Variants in CTNNA2 observed in about 807,000 individuals in gnomAD.
CTNNA2 encodes catenin alpha-2.
CTNNA2 carries 42 observed loss-of-function variants against 101.0 expected under a neutral mutation model. The observed-to-expected ratio is 0.42, with a 90% CI of 0.32 to 0.54. The LOEUF is 0.54. CTNNA2 is among the 20% of genes least tolerant of loss of function. The pLI is 0.14. For synonymous variants in CTNNA2, 450 were observed against 456.4 expected (o/e 0.99, Z 0.18); for missense variants, 871 against 1,223.1 (o/e 0.71, Z 4.29).
chr2:79,446,225 T>C (rs1034204241), intron 4 of CTNNA2, among the ~76,000 whole-genome samples: 1 of 151,662 alleles, frequency 6.6e-6, no homozygotes, highest in African/African-American at 2.4e-5. Flanking sequence ...CCCCACAATA[T>C]TCTAAGAAAA....
At chr2:79,602,877 T>C (rs1677637771) in intron 1 of CTNNA2, among the ~76,000 whole-genome samples, 1 of 152,158 alleles carries the variant, frequency 6.6e-6, no homozygotes. Context: ...AAGATGTCAC[T>C]TCCCCAAAGA....
At chr2:79,629,017 T>C (rs1679505725) in intron 1 of CTNNA2, among the ~76,000 whole-genome samples, 1 of 152,210 alleles carries the variant, frequency 6.6e-6, no homozygotes, top group Non-Finnish European at 1.5e-5. Flanking sequence ...TGTTTCCTGT[T>C]GTACCAAGAA....
In CTNNA2 at chr2:79,280,325, G is replaced by C. The variant is rs561836125; in HGVS notation, c.-405-32384G>C. Among the ~76,000 whole-genome samples, 55 of 152,192 alleles carry C rather than the reference G, an allele frequency of 3.6e-4. No individual in the cohort carries two copies. The South Asian group carries it at 0.01, about 28-fold the overall frequency. On this transcript the variant is annotated intron_variant, in intron 2 of 21. Transcript: ENST00000466387. ...AGTGTGGAAGCCTAAAAACATGTGA[G>C]GGGGATGGAGTTTGGGAAGCTTCTA...
At chr2:79,332,301 GAA>G (rs3038816) in intron 3 of CTNNA2, among the ~76,000 whole-genome samples, 51,265 of 144,934 alleles carry the variant, frequency 0.35, 9,274 homozygotes, top group African/African-American at 0.47. Flanking sequence ...AAAAGAAGAA[GAA>G]AAAAAAAAAA....
intron 2 of CTNNA2, among the ~76,000 whole-genome samples, chr2:79,287,784 A>G (rs990164178): frequency 3.0e-4 from 46 of 152,336 alleles, no homozygotes; most frequent in African/African-American, 1.1e-3. Flanking sequence ...ACCCAGTTCC[A>G]GCTTCCCGGC....
chr2:79,818,824 TA>T lies in CTNNA2; in HGVS notation c.299-39188del, dbSNP rs1558549136. Among the ~76,000 whole-genome samples, 150 of 117,624 alleles carry T rather than the reference TA, an allele frequency of 1.3e-3. 17 individuals carry two copies. In the South Asian group the frequency reaches 0.023, roughly 18 times the overall value. The allele number at this position is 117,624 out of a possible 152,430, so 77.2% of individuals were successfully genotyped here. A position where few individuals can be genotyped will look rare whatever the true frequency, so the allele number is the denominator to read the frequency against. On this transcript the variant is annotated intron_variant, in intron 3 of 18. Transcript: ENST00000402739. ...TACTTCAGGATCCAAAATGCAATTA[TA>T]TATATATATATATATATATATATGG...
At chr2:80,435,450 A>G (rs966414909) in intron 9 of CTNNA2, among the ~76,000 whole-genome samples, 3 of 152,120 alleles carry the variant, frequency 2.0e-5, no homozygotes, top group African/African-American at 7.2e-5. Context: ...TTATAATCTC[A>G]CTATTTAAAA....
At chr2:79,599,767 C>A (rs1302855318) in intron 1 of CTNNA2, among the ~76,000 whole-genome samples, 1 of 152,100 alleles carries the variant, frequency 6.6e-6, no homozygotes, top group Non-Finnish European at 1.5e-5. Flanking sequence ...TAAAAAATTT[C>A]TTTAAAGTCA....
chr2:80,112,674 A>G (rs1701293359), intron 7 of CTNNA2, among the ~76,000 whole-genome samples: 1 of 152,134 alleles, frequency 6.6e-6, no homozygotes, highest in African/African-American at 2.4e-5. Context: ...AAGTTGTTAT[A>G]TTTGTTTAAG....
chr2:79,646,273 C>T (rs2104447343), intron 1 of CTNNA2, among the ~76,000 whole-genome samples: 2 of 151,686 alleles, frequency 1.3e-5, no homozygotes, highest in South Asian at 4.1e-4. Context: ...TCAGTTTCTC[C>T]TTATCAGGAC....
intron 3 of CTNNA2, among the ~76,000 whole-genome samples, chr2:79,752,467 G>A (rs1199884628): frequency 6.6e-6 from 1 of 152,158 alleles, no homozygotes; most frequent in African/African-American, 2.4e-5. Flanking sequence ...TTTTCAGGAA[G>A]CCACAAGGGC....
chr2:80,590,364 A>G (rs1696364765), intron 15 of CTNNA2, among the ~76,000 whole-genome samples: 1 of 152,218 alleles, frequency 6.6e-6, no homozygotes, highest in Admixed American at 6.5e-5. Flanking sequence ...AGAGAGTTTT[A>G]AAATCCAAAG....
intron 7 of CTNNA2, among the ~76,000 whole-genome samples, chr2:80,188,680 A>C (rs1472255581): frequency 6.6e-6 from 1 of 152,068 alleles, no homozygotes; most frequent in Admixed American, 6.6e-5. Context: ...TCCTTCTCAT[A>C]CTGTTGTCTA....
At chr2:79,816,441 T>C (rs1467258396) in intron 3 of CTNNA2, among the ~76,000 whole-genome samples, 2 of 152,108 alleles carry the variant, frequency 1.3e-5, no homozygotes, top group African/African-American at 4.8e-5. Flanking sequence ...GATTCAAAAA[T>C]TTTTCATGTC....
intron 9 of CTNNA2, among the ~76,000 whole-genome samples, chr2:80,462,627 C>CTTTTTTTTTTTTTTTTT (rs1161384853): frequency 1.2e-4 from 14 of 114,372 alleles, no homozygotes; most frequent in African/African-American, 5.2e-4. Flanking sequence ...TTCTTTCTTT[C>CTTTTTTTTTTTTTTTTT]TTTCTTTTTT....
At position 79,429,316 on chromosome 2, in the gene CTNNA2, C is replaced by T. The variant is rs1033258619; in HGVS notation, c.-135+55303C>T. ...AGGTCTATGACTATTGCAAACAATT[C>T]CTTAAAACCTCAGTTTCCTCATCTG... is the stretch of plus-strand genomic sequence containing the variant. On this transcript the variant is annotated intron_variant, in intron 4 of 21. Coordinates refer to the CTNNA2 transcript ENST00000466387. Among the ~76,000 whole-genome samples, 32 of 151,954 alleles carry T rather than the reference C, an allele frequency of 2.1e-4. 1 individual carries two copies. In the South Asian group the frequency reaches 4.8e-3, roughly 23 times the overall value.
At chr2:79,821,002 A>T (rs1021085278) in intron 3 of CTNNA2, among the ~76,000 whole-genome samples, 1 of 152,146 alleles carries the variant, frequency 6.6e-6, no homozygotes, top group Non-Finnish European at 1.5e-5. Context: ...TCAAGTTTTC[A>T]TACTACTAAT....
chr2:79,218,894 T>C (rs192502761), intron 2 of CTNNA2, among the ~76,000 whole-genome samples: 2 of 152,290 alleles, frequency 1.3e-5, no homozygotes, highest in East Asian at 3.9e-4. Flanking sequence ...TTTTCTAATC[T>C]TGGGAGAAAA....
intron 1 of CTNNA2, among the ~76,000 whole-genome samples, chr2:79,538,754 G>T (rs1476534404): frequency 6.6e-6 from 1 of 152,180 alleles, no homozygotes; most frequent in Non-Finnish European, 1.5e-5. Flanking sequence ...ATTTTATATG[G>T]TCTTAAATGC....
Sources: gnomAD v4.1 joint callset for allele counts (sites outside exome capture counted in the v4.1 genomes callset) on GRCh38, gnomAD v4.1.1 for gene constraint, MANE v1.5 for transcripts, NCBI Gene and HGNC (gene_info 2026-07-23, HGNC 2026-07-21) for gene names.